HMGB1: variants seen among roughly 807,000 people sequenced by gnomAD.
The protein encoded by HMGB1 is high mobility group protein B1.
For missense variants in HMGB1, 79 were observed against 253.5 expected (o/e 0.31, Z 4.67); for synonymous variants, 81 against 84.0 (o/e 0.96, Z 0.19).
At chr13:30,476,801 G>A (rs1887108594) in intron 1 of HMGB1, among the ~76,000 whole-genome samples, 1 of 151,626 alleles carries the variant, frequency 6.6e-6, no homozygotes, top group African/African-American at 2.4e-5. Context: ...AGGAGGCGAA[G>A]GTTAGAGAGA....
chr13:30,475,242 A>C (rs1422155784), intron 1 of HMGB1, among the ~76,000 whole-genome samples: 1 of 67,564 alleles, frequency 1.5e-5, no homozygotes, highest in Non-Finnish European at 2.9e-5. Flanking sequence ...TTTTTTTTTG[A>C]GATAGGGTCT....
At position 30,509,526 on chromosome 13, in the gene HMGB1, C is replaced by T. The variant is rs115268044; in HGVS notation, c.-14-45832G>A. Among the ~76,000 whole-genome samples, 6 of 152,246 alleles carry T rather than the reference C, an allele frequency of 3.9e-5. No homozygotes were observed. The East Asian group carries it at 7.7e-4, about 20-fold the overall frequency. ...GTGTTGGGATTACAGATGTGAGCCA[C>T]CACGCCTGGCCGTGCCCCAATATTC... On this transcript the variant is annotated intron_variant, in intron 1 of 4. Coordinates refer to the HMGB1 transcript ENST00000405805.
rs1887501696 is a variant in HMGB1 at position 30,491,870 on chromosome 13, C to CT, written c.-14-28177dup. Among the ~76,000 whole-genome samples the CT allele has an allele frequency of 2.6e-5, 4 of 152,114 alleles. No individual in the cohort carries two copies. In the South Asian group the frequency reaches 8.3e-4, roughly 32 times the overall value. ...CCTTGTCAACACTTAAAAATTTGCTCTTAGAAAGATATCATTGGCCAGGTG... is the reference window on the plus strand; with the variant it reads ...CCTTGTCAACACTTAAAAATTTGCTCTTTAGAAAGATATCATTGGCCAGGTG... On this transcript the variant is annotated intron_variant, in intron 1 of 4. Transcript: ENST00000405805.
At position 30,458,088 on chromosome 13, in the gene HMGB1, G is replaced by A. The variant is rs1886067029; in HGVS notation, c.*3269C>T. Reference sequence around the variant, plus strand: ...AATTCTAAGACTTAAGCTGTGTACGGTGTGTGCAAATTTGCAGATACCTTA... The same window carrying A: ...AATTCTAAGACTTAAGCTGTGTACGATGTGTGCAAATTTGCAGATACCTTA... On this transcript the variant is annotated 3_prime_UTR_variant, in exon 5 of 5. Transcript: ENST00000341423. 1.3e-5 allele frequency: 2 copies of A among 152,120 alleles called. No homozygotes were observed. The highest frequency in any genetic ancestry group is 2.9e-5 in the Non-Finnish European group (2 of 68,032). 9.4% of individuals were successfully genotyped at this position (152,120 alleles called of 1,614,324 possible).
intron 1 of HMGB1, among the ~76,000 whole-genome samples, chr13:30,546,984 A>G (rs1869190926): frequency 2.0e-5 from 3 of 152,202 alleles, no homozygotes; most frequent in Admixed American, 2.0e-4. Flanking sequence ...CTTTCAAAAC[A>G]TTCTTTATCC....
intron 1 of HMGB1, among the ~76,000 whole-genome samples, chr13:30,591,544 T>C (rs1187916343): frequency 6.7e-6 from 1 of 149,304 alleles, no homozygotes; most frequent in East Asian, 2.0e-4. Context: ...AGGGTCTTGC[T>C]CTGTCAGCCA....
At chr13:30,598,635 T>C (rs1302541198) in intron 1 of HMGB1, among the ~76,000 whole-genome samples, 6 of 152,158 alleles carry the variant, frequency 3.9e-5, no homozygotes, top group Admixed American at 3.9e-4. Flanking sequence ...CCTATATGCA[T>C]GTATGTTGGA....
At position 30,488,992 on chromosome 13, in the gene HMGB1, G is replaced by A. The variant is rs1887426974; in HGVS notation, c.-14-25298C>T. Among the ~76,000 whole-genome samples, 3 of 152,254 alleles carry A rather than the reference G, an allele frequency of 2.0e-5. No individual in the cohort carries two copies. The South Asian group carries it at 6.2e-4, about 32-fold the overall frequency. On this transcript the variant is annotated intron_variant, in intron 1 of 4. Coordinates refer to the HMGB1 transcript ENST00000405805. ...AAAAGGTTAAACATGAACATTCAGTGCCAATATTCAGCACAGCAAGCATTC... is the reference window on the plus strand; with the variant it reads ...AAAAGGTTAAACATGAACATTCAGTACCAATATTCAGCACAGCAAGCATTC...
chr13:30,601,426 C>T (rs979773233), intron 1 of HMGB1, among the ~76,000 whole-genome samples: 10 of 152,152 alleles, frequency 6.6e-5, no homozygotes, highest in African/African-American at 9.7e-5. Flanking sequence ...ACTACTAGTA[C>T]GGAGTTTTAG....
In HMGB1 at chr13:30,459,998, A is replaced by G. The variant is rs1276359931; in HGVS notation, c.*1359T>C. 1 of 152,612 alleles carries G rather than the reference A, an allele frequency of 6.6e-6. No individual in the cohort carries two copies. The highest frequency in any genetic ancestry group is 2.4e-5 in the African/African-American group (1 of 41,448). The allele number at this position is 152,612 out of a possible 1,614,324, so 9.5% of individuals were successfully genotyped here. A position where few individuals can be genotyped will look rare whatever the true frequency, so the allele number is the denominator to read the frequency against. On this transcript the variant is annotated 3_prime_UTR_variant, in exon 5 of 5. Coordinates refer to ENST00000341423, the MANE Select transcript of HMGB1 (RefSeq NM_002128.7). ...CAGCACTCCATCACAAAAGCGTGTAAAATTACAAGAACGCTATTTTAAAAT... is the reference window on the plus strand; with the variant it reads ...CAGCACTCCATCACAAAAGCGTGTAGAATTACAAGAACGCTATTTTAAAAT...
At chr13:30,567,343 A>T (rs903401045) in intron 1 of HMGB1, among the ~76,000 whole-genome samples, 3 of 138,822 alleles carry the variant, frequency 2.2e-5, no homozygotes, top group South Asian at 4.6e-4. Context: ...TGTTAACCAA[A>T]TTTTTTTTTT....
chr13:30,588,412 A>T (rs998979786), intron 1 of HMGB1, among the ~76,000 whole-genome samples: 13 of 152,106 alleles, frequency 8.5e-5, no homozygotes, highest in Non-Finnish European at 4.4e-5. Context: ...GGAGTTCCTG[A>T]TCGGGGATAC....
upstream of HMGB1, among the ~76,000 whole-genome samples, chr13:30,470,492 G>A (rs1886894619): frequency 6.6e-6 from 1 of 152,170 alleles, no homozygotes; most frequent in Non-Finnish European, 1.5e-5. Flanking sequence ...CTCAAATGTA[G>A]AGAAACACAT....
chr13:30,560,060 G>C (rs1386583851), intron 1 of HMGB1, among the ~76,000 whole-genome samples: 1 of 152,170 alleles, frequency 6.6e-6, no homozygotes, highest in South Asian at 2.1e-4. Context: ...GTAATTATTT[G>C]ATTGTTTCTC....
At chr13:30,584,187 A>C (rs1423630898) in intron 1 of HMGB1, among the ~76,000 whole-genome samples, 2 of 152,220 alleles carry the variant, frequency 1.3e-5, no homozygotes, top group Admixed American at 6.5e-5. Context: ...ATGCCAACTA[A>C]GTCTCTGAAC....
chr13:30,462,761 C>CA (rs1565994169), intron 3 of HMGB1, 49 bp from the exon 4 acceptor site: 1 of 1,455,576 alleles, frequency 6.9e-7, no homozygotes, highest in South Asian at 1.2e-5. Flanking sequence ...ATCACAAAAA[C>CA]AAATACTATC....
intron 1 of HMGB1, among the ~76,000 whole-genome samples, chr13:30,615,063 GC>G (rs898554171): frequency 2.0e-5 from 3 of 151,966 alleles, no homozygotes; most frequent in Admixed American, 2.0e-4. Context: ...TTAACCTTAA[GC>G]CCTGAAACTA....
chr13:30,515,541 A>G (rs1175859277), intron 1 of HMGB1, among the ~76,000 whole-genome samples: 5 of 152,218 alleles, frequency 3.3e-5, no homozygotes, highest in Non-Finnish European at 4.4e-5. Flanking sequence ...GAAAACATTA[A>G]TAATTGAAAT....
chr13:30,564,136 A>T (rs1870080952), intron 1 of HMGB1, among the ~76,000 whole-genome samples: 2 of 152,102 alleles, frequency 1.3e-5, no homozygotes, highest in South Asian at 4.1e-4. Flanking sequence ...GGACATGATT[A>T]AGAAACTAAC....
Sources: allele counts gnomAD v4.1 joint callset (sites outside exome capture counted in the v4.1 genomes callset), GRCh38; gene constraint gnomAD v4.1.1; transcripts MANE v1.5; gene names NCBI Gene and HGNC (gene_info 2026-07-23, HGNC 2026-07-21).